KLHL3: variants seen among roughly 807,000 people sequenced by gnomAD.
KLHL3 encodes kelch like family member 3.
KLHL3 carries 19 observed loss-of-function variants against 70.5 expected under a neutral mutation model. That is an observed-to-expected ratio of 0.27 (90% confidence interval 0.19 to 0.40). The LOEUF (loss-of-function observed/expected upper bound fraction) is 0.40. Among genes scored for constraint, KLHL3 ranks in the 10% least tolerant of loss-of-function variants. KLHL3 has a pLI of 1.00. For synonymous variants in KLHL3, 258 were observed against 290.3 expected (o/e 0.89, Z 1.13); for missense variants, 512 against 771.1 (o/e 0.66, Z 3.98).
chr5:137,709,911 A>G lies in KLHL3; in HGVS notation c.135-55T>C, dbSNP rs1752760658. The stretch of plus-strand genomic sequence containing the variant: ...GGTTGCAGCAAGGACACCTACCCTC[A>G]TCTTACAAGGGTATTTTTTTCTCCC... On this transcript the variant is annotated intron_variant, in intron 2 of 14. Coordinates refer to ENST00000309755, the MANE Select transcript of KLHL3 (RefSeq NM_017415.3). 1.1e-5 allele frequency: 15 copies of G among 1,350,746 alleles called. No homozygotes were observed. In the South Asian group the frequency reaches 1.3e-4, roughly 12 times the overall value. The allele number at this position is 1,350,746 out of a possible 1,614,324, so 83.7% of individuals were successfully genotyped here. A position where few individuals can be genotyped will look rare whatever the true frequency, so the allele number is the denominator to read the frequency against.
intron 5 of KLHL3, among the ~76,000 whole-genome samples, chr5:137,685,919 G>A (rs1475232526): frequency 6.6e-6 from 1 of 152,220 alleles, no homozygotes; most frequent in Non-Finnish European, 1.5e-5. Context: ...TCTCTGGGTA[G>A]GATTGTGGTA....
chr5:137,630,376 C>T (rs1375133302), intron 12 of KLHL3, among the ~76,000 whole-genome samples: 3 of 152,122 alleles, frequency 2.0e-5, no homozygotes, highest in Admixed American at 6.6e-5. Flanking sequence ...ATTTCAGCAG[C>T]GTGGCAGAGA....
intron 13 of KLHL3, chr5:137,627,980 C>G: frequency 3.2e-6 from 1 of 308,588 alleles, no homozygotes; most frequent in Non-Finnish European, 6.1e-6. Context: ...CCTACTAAAG[C>G]TGTTGGGCAG....
At chr5:137,658,406 C>G in intron 7 of KLHL3, 126 bp from the exon 8 acceptor site, 1 of 906,952 alleles carries the variant, frequency 1.1e-6, no homozygotes, top group Non-Finnish European at 1.8e-6. Flanking sequence ...CATCTCAGAC[C>G]CAAAGAGTTA....
chr5:137,639,247 G>T lies in KLHL3; in HGVS notation c.1022-97C>A. The stretch of plus-strand genomic sequence containing the variant: ...GAGGAGCAAGACAGACACAGGAAAA[G>T]TCGCCACCGAAGATACTTTAGGTAT... On this transcript the variant is annotated intron_variant, in intron 9 of 14. Transcript: ENST00000309755. The surrounding 1 kb of genome is among the most constrained non-coding windows in gnomAD (Gnocchi z 5.0). The T allele has an allele frequency of 8.6e-7, 1 of 1,163,678 alleles. No homozygotes were observed. Among genetic ancestry groups the T allele is most frequent in the Non-Finnish European group, 1.2e-6 (1 of 806,128 alleles). The allele number at this position is 1,163,678 out of a possible 1,614,324, so 72.1% of individuals were successfully genotyped here. A position where few individuals can be genotyped will look rare whatever the true frequency, so the allele number is the denominator to read the frequency against.
intron 3 of KLHL3, among the ~76,000 whole-genome samples, chr5:137,702,589 G>A (rs753061934): frequency 5.9e-5 from 9 of 152,180 alleles, no homozygotes; most frequent in Non-Finnish European, 8.8e-5. Context: ...GCAACAGGGA[G>A]CCCCTGATAG....
chr5:137,677,386 T>G (rs191275208), intron 6 of KLHL3, 159 bp downstream of exon 6: 68 of 489,974 alleles, frequency 1.4e-4, no homozygotes, highest in African/African-American at 1.2e-3. Context: ...AGGCGGAGGT[T>G]GCAGTGAGCC....
rs1750288540 is a variant in KLHL3 at position 137,621,339 on chromosome 5, A to T, written c.*759T>A. The T allele has an allele frequency of 6.6e-6, 1 of 152,624 alleles. No homozygotes were observed. The allele number at this position is 152,624 out of a possible 1,614,324, so 9.5% of individuals were successfully genotyped here. A position where few individuals can be genotyped will look rare whatever the true frequency, so the allele number is the denominator to read the frequency against. On this transcript the variant is annotated 3_prime_UTR_variant, in exon 15 of 15. Transcript: ENST00000309755. ...ACCTCCCAGGCCTGGAATCTATGAC[A>T]TCAAAGACCAATGGCCTAAACCTGA...
rs1750698068 is a variant in KLHL3, at chr5:137,633,677, T to G, written c.1450+360A>C. On this transcript the variant is annotated intron_variant, in intron 12 of 14. Transcript: ENST00000309755. The stretch of plus-strand genomic sequence containing the variant: ...TCCTTTGCAGCAACATGGATGGAGC[T>G]GGAGGCCATAATCCTATGTGAGATA... 2.6e-5 allele frequency among the ~76,000 whole-genome samples: 4 copies of G among 152,308 alleles called. No homozygotes were observed. In the South Asian group the frequency reaches 8.3e-4, roughly 32 times the overall value.
intron 14 of KLHL3, among the ~76,000 whole-genome samples, chr5:137,623,661 T>C (rs1288328613): frequency 6.6e-6 from 1 of 152,264 alleles, no homozygotes; most frequent in Non-Finnish European, 1.5e-5. Flanking sequence ...CTTTTTGGAA[T>C]ACTTTCTAGC....
rs1174047030 is a variant in KLHL3, at chr5:137,637,305, C to A, written c.1310G>T (p.Gly437Val). 6.2e-7 allele frequency: 1 copy of A among 1,613,970 alleles called. No homozygotes were observed. The highest frequency in any genetic ancestry group is 2.2e-5 in the East Asian group (1 of 44,886). ...TGCCGCCTCCTTACCCTCCACAACG[C>A]CCACACCCACACTGCTCCGCCGCGT... ...MNTRRSSVGVGVVEGKLYAVG... is the reference protein window; with the variant it reads ...MNTRRSSVGVVVVEGKLYAVG... The change falls in exon 11 of 15, where the codon GGC becomes GTC. Residue 437 changes from glycine to valine, a missense_variant. By Grantham distance (109) the Gly-to-Val change is moderately radical. Coordinates refer to ENST00000309755, the MANE Select transcript of KLHL3 (RefSeq NM_017415.3).
intron 4 of KLHL3, among the ~76,000 whole-genome samples, chr5:137,693,761 C>G (rs1378167471): frequency 6.6e-6 from 1 of 152,196 alleles, no homozygotes; most frequent in East Asian, 1.9e-4. Context: ...GTGACTGAGC[C>G]AGCTACACTC....
At position 137,625,871 on chromosome 5, in the gene KLHL3, C is replaced by T. The variant is rs567426394; in HGVS notation, c.1617G>A (p.Leu539=). The T allele has an allele frequency of 6.2e-7, 1 of 1,614,204 alleles. No homozygotes were observed. The highest frequency in any genetic ancestry group is 1.7e-5 in the Admixed American group (1 of 60,034). The change falls in exon 14 of 15, where the codon CTG becomes CTA. Residue 539 remains leucine, a synonymous_variant. Transcript: ENST00000309755. ...NAGVCAVNGL[L]YVVGGDDGSC... is the part of the protein sequence containing the mutation. The stretch of plus-strand genomic sequence containing the variant: ...ATCCATCATCCCCTCCAACCACATA[C>T]AGGAGCCCATTTACTGCACAGACCC...
At chr5:137,694,777 A>G (rs774744430) in intron 4 of KLHL3, among the ~76,000 whole-genome samples, 10 of 152,154 alleles carry the variant, frequency 6.6e-5, no homozygotes, top group Non-Finnish European at 1.0e-4. Context: ...GCTTCTGGGC[A>G]AAATAGGATA....
intron 4 of KLHL3, chr5:137,692,690 G>T: frequency 2.1e-6 from 1 of 467,184 alleles, no homozygotes; most frequent in South Asian, 2.8e-5. Context: ...AATCCCTGGG[G>T]ATCTTATTAA....
rs183856550 is a variant in KLHL3 at position 137,665,923 on chromosome 5, T to C, written c.637-3892A>G. On this transcript the variant is annotated intron_variant, in intron 6 of 14. Transcript: ENST00000309755. ...CAGAAAAGGAAAGGAGTAGTATGTATGTATAGTTTGCTCCTATTTCTATAT... is the reference window on the plus strand; with the variant it reads ...CAGAAAAGGAAAGGAGTAGTATGTACGTATAGTTTGCTCCTATTTCTATAT... 3.9e-5 allele frequency among the ~76,000 whole-genome samples: 6 copies of C among 152,282 alleles called. No homozygotes were observed. The East Asian group carries it at 1.2e-3, about 29-fold the overall frequency.
At chr5:137,665,822 G>A (rs892173847) in intron 6 of KLHL3, among the ~76,000 whole-genome samples, 4 of 151,906 alleles carry the variant, frequency 2.6e-5, no homozygotes, top group African/African-American at 9.7e-5. Context: ...AAGTCAGGCT[G>A]GACATAACTT....
At chr5:137,720,001 G>A (rs1752966633) in intron 2 of KLHL3, among the ~76,000 whole-genome samples, 1 of 152,118 alleles carries the variant, frequency 6.6e-6, no homozygotes, top group South Asian at 2.1e-4. Flanking sequence ...GTCTCAAGCA[G>A]AGTTCGAAAG....
intron 1 of KLHL3, among the ~76,000 whole-genome samples, chr5:137,728,021 C>T (rs1753112590): frequency 6.6e-6 from 1 of 152,146 alleles, no homozygotes; most frequent in Non-Finnish European, 1.5e-5. Flanking sequence ...AGTATTTCTA[C>T]ACCAAGACAC....
Sources: allele counts gnomAD v4.1 joint callset (sites outside exome capture counted in the v4.1 genomes callset), GRCh38; gene constraint gnomAD v4.1.1; non-coding constraint Gnocchi (gnomAD v3.1); transcripts MANE v1.5; gene names NCBI Gene and HGNC (gene_info 2026-07-23, HGNC 2026-07-21).